TAF11L12: variants seen among roughly 807,000 people sequenced by gnomAD.
TAF11L12 encodes the protein TATA-box binding protein associated factor 11 like 12, also known as TATA-box-binding protein-associated factor 11-like protein 12.
At chr5:17,611,348 G>T (rs1170640191) in exon 1 of TAF11L12, 3 of 397,912 alleles carry the variant, frequency 7.5e-6, no homozygotes, top group South Asian at 1.3e-4. Flanking sequence ...CCAAAAGCAC[G>T]CATTGCAGCT....
chr5:17,611,916 G>A (rs768378280), downstream of TAF11L12, among the ~76,000 whole-genome samples: 2 of 151,256 alleles, frequency 1.3e-5, no homozygotes, highest in Non-Finnish European at 2.9e-5. Flanking sequence ...AGATTTGTAC[G>A]GTTTCATTCT....
downstream of TAF11L12, among the ~76,000 whole-genome samples, chr5:17,611,827 G>GT (rs1424005689): frequency 6.6e-6 from 1 of 151,356 alleles, no homozygotes; most frequent in Non-Finnish European, 1.5e-5. Flanking sequence ...TGTCTTTCTA[G>GT]TTGGAAGAAT....
At chr5:17,611,444 T>C (rs1407204852) in exon 1 of TAF11L12, 1 of 397,742 alleles carries the variant, frequency 2.5e-6, no homozygotes, top group Non-Finnish European at 4.4e-6. Context: ...GTTGGAGAGG[T>C]GGTGGAAGAG....
exon 1 of TAF11L12, chr5:17,611,268 G>A: frequency 5.0e-6 from 2 of 398,234 alleles, no homozygotes; most frequent in Non-Finnish European, 8.9e-6. Context: ...AGGCTCAGAT[G>A]ACAACCCTGC....
chr5:17,610,916 T>C (rs563515376), exon 1 of TAF11L12: 24 of 397,136 alleles, frequency 6.0e-5, no homozygotes, highest in South Asian at 2.6e-4. Flanking sequence ...TCATTGCAGA[T>C]CCATAATCGA....
chr5:17,611,834 G>A (rs1739282432), downstream of TAF11L12, among the ~76,000 whole-genome samples: 1 of 151,360 alleles, frequency 6.6e-6, no homozygotes, highest in African/African-American at 2.4e-5. Flanking sequence ...CTAGTTGGAA[G>A]AATAAAGGTG....
downstream of TAF11L12, chr5:17,611,650 G>C (rs1579619135): frequency 2.5e-6 from 1 of 397,358 alleles, no homozygotes. Flanking sequence ...CCAATGACAG[G>C]ACTGCATTTG....
At chr5:17,611,775 TA>T (rs1235888344), downstream of TAF11L12, among the ~76,000 whole-genome samples, 2 of 151,584 alleles carry the variant, frequency 1.3e-5, 1 homozygote, top group African/African-American at 4.9e-5. Flanking sequence ...TAGCCTTGGC[TA>T]AATGTTTGGG....
chr5:17,611,355 A>C (rs1739272888), exon 1 of TAF11L12: 1 of 397,910 alleles, frequency 2.5e-6, no homozygotes, highest in Non-Finnish European at 4.4e-6. Flanking sequence ...CACGCATTGC[A>C]GCTCTGATGC....
Position 17,611,307 on chromosome 5 carries a change from C to T in TAF11L12, c.318C>T (p.Ser106=), listed in dbSNP as rs577409217. 18 of 398,062 alleles carry T rather than the reference C, an allele frequency of 4.5e-5. 2 individuals carry two copies. Among genetic ancestry groups the T allele is most frequent in the South Asian group, 1.3e-4 (1 of 7,832 alleles). The allele number at this position is 398,062 out of a possible 1,614,324, so 24.7% of individuals were successfully genotyped here. A position where few individuals can be genotyped will look rare whatever the true frequency, so the allele number is the denominator to read the frequency against. The change falls in exon 1 of 1, where the codon TCC becomes TCT. Residue 106 remains serine (S), a synonymous_variant. Transcript: ENST00000503184. ...ATGCCATGTCTGAGGAGCAGCTATC[C>T]CGCTACGAAGTGTGTCGCCGGTCAG...
chr5:17,610,528 C>G (rs1739255612), exon 1 of TAF11L12: 1 of 154,192 alleles, frequency 6.5e-6, no homozygotes, highest in Admixed American at 6.6e-5. Flanking sequence ...GCCTGGGGCT[C>G]ACAACCCTAA....
chr5:17,611,842 G>A (rs940278605), downstream of TAF11L12, among the ~76,000 whole-genome samples: 3 of 151,108 alleles, frequency 2.0e-5, no homozygotes, highest in Admixed American at 6.6e-5. Context: ...AAGAATAAAG[G>A]TGCCTGGGCC....
chr5:17,611,222 GGAA>G (rs1223478687), exon 1 of TAF11L12: 2 of 398,302 alleles, frequency 5.0e-6, no homozygotes, highest in Non-Finnish European at 8.9e-6. Flanking sequence ...GATACCAAGG[GGAA>G]GAAGGAGAGG....
In TAF11L12 at chr5:17,610,996, A is replaced by T. The variant is rs568773313; in HGVS notation, c.7A>T (p.Thr3Ser). 32 of 397,932 alleles carry T rather than the reference A, an allele frequency of 8.0e-5. 1 individual carries two copies. The highest frequency in any genetic ancestry group is 6.4e-4 in the South Asian group (5 of 7,840). 24.7% of individuals were successfully genotyped at this position (397,932 alleles called of 1,614,324 possible). Residue 3 changes from threonine to serine, a missense_variant, in exon 1 of 1, where the codon ACA becomes TCA. Transcript: ENST00000503184. Reference sequence around the variant, plus strand: ...GCAGACTTGAATCTCACCCATGGAGACAGGCAGGCAAAGAGGTGCGTCTGC... The same window carrying T: ...GCAGACTTGAATCTCACCCATGGAGTCAGGCAGGCAAAGAGGTGCGTCTGC...
chr5:17,611,289 GT>G, the TAF11L12 span: 1 of 398,182 alleles, frequency 2.5e-6, no homozygotes, highest in Non-Finnish European at 4.4e-6. Flanking sequence ...TGTATGCCAT[GT>G]CTGAGGAGCA....
At chr5:17,610,629 G>C (rs1739257667) in exon 1 of TAF11L12, 1 of 206,774 alleles carries the variant, frequency 4.8e-6, no homozygotes, top group Admixed American at 5.9e-5. Context: ...CCATCCTGGA[G>C]GTCCGTCATG....
At chr5:17,611,569 A>G (rs1739276828) in exon 1 of TAF11L12, 2 of 397,956 alleles carry the variant, frequency 5.0e-6, no homozygotes, top group Admixed American at 4.4e-5. Context: ...CAACTATAAA[A>G]AAATCATGTT....
chr5:17,611,152 A>G (rs1245568326), exon 1 of TAF11L12: 4 of 397,794 alleles, frequency 1.0e-5, no homozygotes, highest in Non-Finnish European at 1.8e-5. Flanking sequence ...CATGGACCTC[A>G]CAGAAGGTGA....
At chr5:17,611,618 G>A, downstream of TAF11L12, 1 of 397,984 alleles carries the variant, frequency 2.5e-6, no homozygotes, top group Admixed American at 4.4e-5. Flanking sequence ...GTTTGTGCAG[G>A]AATAAGTATC....
Sources: allele counts gnomAD v4.1 joint callset (sites outside exome capture counted in the v4.1 genomes callset), GRCh38; gene constraint gnomAD v4.1.1; transcripts MANE v1.5; gene names NCBI Gene and HGNC (gene_info 2026-07-23, HGNC 2026-07-21).